The following MYO6 variants were observed in gnomAD, a reference collection of about 807,000 sequenced individuals.
The protein encoded by MYO6 is myosin VI.
Under a neutral mutation model 178.7 loss-of-function variants are expected in MYO6, and 74 were observed. That is an observed-to-expected ratio of 0.41 (90% CI 0.34 to 0.50). The LOEUF (loss-of-function observed/expected upper bound fraction) is 0.50, where lower values mean the gene tolerates loss of function less well. Among genes scored for constraint, MYO6 ranks in the 20% least tolerant of loss-of-function variants. MYO6 has a pLI of 0.09. For missense variants in MYO6, 1,330 were observed against 1,547.4 expected (o/e 0.86, Z 2.36); for synonymous variants, 477 against 504.6 (o/e 0.95, Z 0.73).
At chr6:75,806,229 A>T (rs553190251) in intron 1 of MYO6, among the ~76,000 whole-genome samples, 4 of 152,084 alleles carry the variant, frequency 2.6e-5, no homozygotes, top group Non-Finnish European at 5.9e-5. Flanking sequence ...TACTAAAAAT[A>T]CAAAAAAATT....
rs1187334716 is a variant in MYO6 at position 75,757,107 on chromosome 6, G to T, written c.-48+7684G>T. Among the ~76,000 whole-genome samples the T allele has an allele frequency of 3.5e-5, 5 of 144,866 alleles. No homozygotes were observed. In the South Asian group the frequency reaches 6.5e-4, roughly 19 times the overall value. On this transcript the variant is annotated intron_variant, in intron 1 of 34. Coordinates refer to ENST00000369977, the MANE Select transcript of MYO6 (RefSeq NM_004999.4). ...TATATGTATACGCAATATGTATTGT[G>T]TATATATGTGTATATATGTATATAC...
intron 31 of MYO6, 82 bp from the exon 32 acceptor site, chr6:75,908,414 A>T (rs556649881): frequency 8.5e-5 from 116 of 1,368,152 alleles, no homozygotes; most frequent in Non-Finnish European, 1.1e-4. Flanking sequence ...AAATCTCCTT[A>T]TGCGACAGAA....
At chr6:75,873,139 G>A (rs1004000442) in intron 19 of MYO6, 68 bp from the exon 20 acceptor site, 17 of 1,171,786 alleles carry the variant, frequency 1.5e-5, no homozygotes, top group Non-Finnish European at 1.8e-5. Flanking sequence ...AAAGTTGCAG[G>A]TATTCATAGA....
At chr6:75,907,832 A>G (rs998555571) in intron 31 of MYO6, 124 bp downstream of exon 31, 22 of 531,988 alleles carry the variant, frequency 4.1e-5, no homozygotes, top group African/African-American at 3.7e-4. Context: ...GTGTATGTAC[A>G]TATAATACCT....
intron 1 of MYO6, among the ~76,000 whole-genome samples, chr6:75,788,458 C>T (rs1464767701): frequency 6.6e-6 from 1 of 152,238 alleles, no homozygotes; most frequent in East Asian, 1.9e-4. Flanking sequence ...CAGTCTTTCT[C>T]ACCTTTATTC....
intron 1 of MYO6, among the ~76,000 whole-genome samples, chr6:75,789,766 T>G (rs1213390160): frequency 6.6e-6 from 1 of 152,200 alleles, no homozygotes; most frequent in African/African-American, 2.4e-5. Flanking sequence ...AAGTCTCTTT[T>G]AGCTATCTTG....
chr6:75,842,246 G>A (rs1774315672), intron 9 of MYO6, among the ~76,000 whole-genome samples: 1 of 152,080 alleles, frequency 6.6e-6, no homozygotes, highest in Non-Finnish European at 1.5e-5. Context: ...AGCGAGTAGA[G>A]TTTCTAGGAG....
intron 1 of MYO6, among the ~76,000 whole-genome samples, chr6:75,783,994 CAG>C (rs886480282): frequency 1.3e-5 from 2 of 151,976 alleles, no homozygotes; most frequent in South Asian, 2.1e-4. Context: ...ATTTATGAGA[CAG>C]AGTCTTGCTC....
At chr6:75,866,275 C>G (rs9359143) in intron 16 of MYO6, among the ~76,000 whole-genome samples, 14 of 119,138 alleles carry the variant, frequency 1.2e-4, no homozygotes, top group South Asian at 5.8e-4. Flanking sequence ...GTCTCTGTCT[C>G]TGTGTGTGTG....
rs939214439 is a variant in MYO6, at chr6:75,848,591, T to C, written c.1078+60T>C. On this transcript the variant is annotated intron_variant, in intron 11 of 34. Transcript: ENST00000369977. Reference sequence around the variant, plus strand: ...AAATAGAATTTCTGTTATTTATTTGTCATATGAAAATTGTCTCTTTATATG... The same window carrying C: ...AAATAGAATTTCTGTTATTTATTTGCCATATGAAAATTGTCTCTTTATATG... The C allele has an allele frequency of 3.6e-5, 56 of 1,550,150 alleles. 1 individual carries two copies. In the South Asian group the frequency reaches 6.5e-4, roughly 18 times the overall value.
Position 75,835,944 on chromosome 6 carries a change from A to G in MYO6, c.541A>G (p.Arg181Gly). 6.2e-7 allele frequency: 1 copy of G among 1,607,450 alleles called. No homozygotes were observed. Among genetic ancestry groups the G allele is most frequent in the Non-Finnish European group, 8.5e-7 (1 of 1,173,966 alleles). ...SYGTGQDIDD[R>G]IVEANPLLEA... is the part of the protein sequence containing the mutation. ...TGGAACAGGTCAAGATATTGATGAC[A>G]GAATTGTTGAAGGTATTGCTAATTT... The change falls in exon 7 of 35, where the codon AGA becomes GGA. Residue 181 changes from arginine (R) to glycine (G), a missense_variant. Arg to Gly is a moderately radical substitution (Grantham distance 125, BLOSUM62 -2). Around this residue, in one of 3 missense-constraint regions of MYO6, gnomAD observed 613 missense variants for 816.8 expected, o/e 0.75. Coordinates refer to ENST00000369977, the MANE Select transcript of MYO6 (RefSeq NM_004999.4).
intron 1 of MYO6, among the ~76,000 whole-genome samples, chr6:75,784,776 C>CAAAAAAAAAAAAA (rs754218278): frequency 1.8e-5 from 1 of 54,406 alleles, no homozygotes; most frequent in Non-Finnish European, 3.9e-5. Context: ...GACTCCGTCT[C>CAAAAAAAAAAAAA]AAAAAAAAAA....
intron 1 of MYO6, among the ~76,000 whole-genome samples, chr6:75,751,753 A>G (rs1776914245): frequency 6.6e-6 from 1 of 152,180 alleles, no homozygotes; most frequent in African/African-American, 2.4e-5. Context: ...TCCAAAATGT[A>G]GCTTTCTTTA....
intron 1 of MYO6, among the ~76,000 whole-genome samples, chr6:75,813,374 C>G (rs188707504): frequency 6.6e-6 from 1 of 152,322 alleles, no homozygotes; most frequent in Non-Finnish European, 1.5e-5. Context: ...CCCAAGAGTT[C>G]TCCAGTCAGT....
intron 30 of MYO6, among the ~76,000 whole-genome samples, chr6:75,900,570 T>C (rs1448667956): frequency 6.6e-6 from 1 of 152,202 alleles, no homozygotes; most frequent in Admixed American, 6.5e-5. Context: ...TTTGCCCACT[T>C]TTTGATGGGG....
At chr6:75,765,542 C>G (rs1414804921) in intron 1 of MYO6, among the ~76,000 whole-genome samples, 1 of 151,994 alleles carries the variant, frequency 6.6e-6, no homozygotes, top group Non-Finnish European at 1.5e-5. Flanking sequence ...TTTCTGAACT[C>G]TTACCCAGTG....
At chr6:75,761,370 G>A (rs768874850) in intron 1 of MYO6, among the ~76,000 whole-genome samples, 1 of 152,114 alleles carries the variant, frequency 6.6e-6, no homozygotes, top group Non-Finnish European at 1.5e-5. Flanking sequence ...CAGCTGTCAC[G>A]ACAGATGTTT....
intron 1 of MYO6, among the ~76,000 whole-genome samples, chr6:75,782,902 T>C (rs1423106155): frequency 6.7e-6 from 1 of 148,710 alleles, no homozygotes; most frequent in East Asian, 2.0e-4. Context: ...CTCAGTTAGC[T>C]AGTTAGCTTT....
chr6:75,835,984 G>C (rs563180638), intron 7 of MYO6, 28 bp downstream of exon 7: 1 of 1,505,644 alleles, frequency 6.6e-7, no homozygotes, highest in Non-Finnish European at 9.3e-7. Context: ...GTTGTTACGC[G>C]TGTACTGAAA....
Sources: gnomAD v4.1 joint callset for allele counts (sites outside exome capture counted in the v4.1 genomes callset) on GRCh38, gnomAD v4.1.1 for gene constraint, gnomAD v4.1.1 regional missense constraint, MANE v1.5 for transcripts, NCBI Gene and HGNC (gene_info 2026-07-23, HGNC 2026-07-21) for gene names.